ALDH18A1: variants seen among roughly 807,000 people sequenced by gnomAD.
ALDH18A1 encodes the protein aldehyde dehydrogenase 18 family member A1, also known as delta-1-pyrroline-5-carboxylate synthase.
In ALDH18A1, 44 loss-of-function variants were observed where a neutral mutation model predicts 88.8. That is an observed-to-expected ratio of 0.50 (90% CI 0.39 to 0.64). ALDH18A1 has a LOEUF of 0.64. Among genes scored for constraint, ALDH18A1 ranks in the 30% least tolerant of loss-of-function variants. The probability of loss-of-function intolerance (pLI) is 0.00; values close to 1 mark genes in which losing one functional copy is unlikely to be tolerated. For synonymous variants in ALDH18A1, 331 were observed against 372.1 expected, an observed-to-expected ratio of 0.89 and a Z score of 1.27; for missense variants, 782 against 1,009.5, an observed-to-expected ratio of 0.77 and a Z score of 3.05.
At chr10:95,646,807 A>T (rs928358797) in intron 2 of ALDH18A1, among the ~76,000 whole-genome samples, 3 of 152,122 alleles carry the variant, frequency 2.0e-5, no homozygotes, top group Middle Eastern at 3.2e-3. Flanking sequence ...GTGTGTACAG[A>T]TGTGGCATGG....
At chr10:95,629,260 G>C (rs1166926642) in intron 7 of ALDH18A1, among the ~76,000 whole-genome samples, 1 of 152,176 alleles carries the variant, frequency 6.6e-6, no homozygotes, top group African/African-American at 2.4e-5. Flanking sequence ...ACCTAAAGTG[G>C]ACACAGATGG....
chr10:95,627,674 T>C (rs2097862387), intron 8 of ALDH18A1, 88 bp from the exon 9 acceptor site: 12 of 1,501,648 alleles, frequency 8.0e-6, no homozygotes, highest in Non-Finnish European at 9.3e-6. Flanking sequence ...AAATACAAGT[T>C]GATATTGAAC....
chr10:95,609,251 T>G (rs189017856), intron 17 of ALDH18A1, among the ~76,000 whole-genome samples: 1 of 152,292 alleles, frequency 6.6e-6, no homozygotes, highest in East Asian at 1.9e-4. Context: ...GCTGGAAATT[T>G]TATACCTAAT....
chr10:95,610,134 T>A, intron 17 of ALDH18A1, 63 bp downstream of exon 17: 2 of 1,507,522 alleles, frequency 1.3e-6, no homozygotes. Context: ...CACCTCAACA[T>A]ACCCCTAGAC....
chr10:95,647,781 C>T (rs541121821), intron 2 of ALDH18A1, among the ~76,000 whole-genome samples: 10 of 152,346 alleles, frequency 6.6e-5, no homozygotes, highest in Non-Finnish European at 1.0e-4. Flanking sequence ...AATCACATTT[C>T]GACACAGTTG....
intron 11 of ALDH18A1, among the ~76,000 whole-genome samples, chr10:95,621,594 G>A (rs747053908): frequency 2.0e-5 from 3 of 152,008 alleles, no homozygotes; most frequent in South Asian, 4.1e-4. Flanking sequence ...TTACAAGTGC[G>A]AGCCACCGTG....
Position 95,643,194 on chromosome 10 carries a change from G to A in ALDH18A1, c.101C>T (p.Pro34Leu), listed in dbSNP as rs773278823. The A allele has an allele frequency of 6.2e-7, 1 of 1,614,056 alleles. No individual in the cohort carries two copies. The highest frequency in any genetic ancestry group is 1.1e-5 in the South Asian group (1 of 91,088). ...AGAACGAACATGTCTGATGACTGAAGGCTGGATACAATCTGTAGCCATCAA... is the reference window on the plus strand; with the variant it reads ...AGAACGAACATGTCTGATGACTGAAAGCTGGATACAATCTGTAGCCATCAA... ...TTVFRSHCIQ[P>L]SVIRHVRSWS... The change falls in exon 3 of 18, where the codon CCT (proline) becomes CTT (leucine). Residue 34 changes from proline (P) to leucine (L), a missense_variant. Coordinates refer to ENST00000371224, the MANE Select transcript of ALDH18A1 (RefSeq NM_002860.4).
chr10:95,618,033 C>T (rs1171290665), intron 12 of ALDH18A1, among the ~76,000 whole-genome samples: 1 of 152,110 alleles, frequency 6.6e-6, no homozygotes, highest in African/African-American at 2.4e-5. Flanking sequence ...CAGAGCATTC[C>T]AGATTCCACA....
intron 12 of ALDH18A1, among the ~76,000 whole-genome samples, chr10:95,617,755 ATGAGGTATCAGCTCCTTG>A (rs1225403071): frequency 1.1e-4 from 17 of 152,210 alleles, no homozygotes; most frequent in African/African-American, 3.9e-4. Flanking sequence ...TAGTTAGCTA[ATGAGGTATCAGCTCCTTG>A]TGAGGTATCA....
intron 5 of ALDH18A1, among the ~76,000 whole-genome samples, chr10:95,636,862 C>T (rs2097881610): frequency 6.6e-6 from 1 of 152,232 alleles, no homozygotes; most frequent in African/African-American, 2.4e-5. Context: ...AAATGCTTTT[C>T]ATATATTTTC....
intron 16 of ALDH18A1, among the ~76,000 whole-genome samples, chr10:95,610,892 T>C (rs1433558554): frequency 6.6e-6 from 1 of 152,168 alleles, no homozygotes. Context: ...GCATACATAT[T>C]TGTGGAATAA....
rs1444525342 is a variant in ALDH18A1, at chr10:95,656,638, G to A, written c.-70C>T. ...GCCTTCGCCCCCTGGCACTACCGCG[G>A]GTCCGCACTCCACGCCGGGCTGATT... On this transcript the variant is annotated 5_prime_UTR_variant, in exon 1 of 18. Coordinates refer to ENST00000371224, the MANE Select transcript of ALDH18A1 (RefSeq NM_002860.4). 2 of 152,686 alleles carry A rather than the reference G, an allele frequency of 1.3e-5. No individual in the cohort carries two copies. Among genetic ancestry groups the A allele is most frequent in the African/African-American group, 2.4e-5 (1 of 41,374 alleles). 9.5% of individuals were successfully genotyped at this position (152,686 alleles called of 1,614,324 possible). A position where few individuals can be genotyped will look rare whatever the true frequency, so the allele number is the denominator to read the frequency against.
intron 11 of ALDH18A1, among the ~76,000 whole-genome samples, chr10:95,621,990 T>C (rs2097853392): frequency 6.6e-6 from 1 of 152,230 alleles, no homozygotes; most frequent in Non-Finnish European, 1.5e-5. Flanking sequence ...ACAGCATGTA[T>C]GATATGATCT....
At chr10:95,645,381 A>G (rs2097899517) in intron 2 of ALDH18A1, among the ~76,000 whole-genome samples, 1 of 152,146 alleles carries the variant, frequency 6.6e-6, no homozygotes, top group African/African-American at 2.4e-5. Flanking sequence ...AACCACTATC[A>G]CTTCCCTTTA....
chr10:95,611,159 A>C, intron 16 of ALDH18A1, 97 bp downstream of exon 16: 2 of 1,436,258 alleles, frequency 1.4e-6, no homozygotes, highest in Non-Finnish European at 2.0e-6. Flanking sequence ...AAGCCTACTC[A>C]AATGATGTTT....
At chr10:95,606,990 T>C (rs1170725187) in intron 17 of ALDH18A1, 47 bp from the exon 18 acceptor site, 1 of 1,592,950 alleles carries the variant, frequency 6.3e-7, no homozygotes. Context: ...CAGCCTCTGC[T>C]TCCTGTCCAT....
intron 13 of ALDH18A1, 70 bp from the exon 14 acceptor site, chr10:95,614,231 C>T: frequency 6.7e-7 from 1 of 1,490,402 alleles, no homozygotes; most frequent in Non-Finnish European, 9.3e-7. Flanking sequence ...AGCAGCTTCC[C>T]TTTTACAGAT....
At chr10:95,651,289 G>A (rs551342918) in intron 2 of ALDH18A1, among the ~76,000 whole-genome samples, 9 of 152,214 alleles carry the variant, frequency 5.9e-5, no homozygotes, top group African/African-American at 2.2e-4. Flanking sequence ...CTATCAAAAT[G>A]GCTAAAATAA....
chr10:95,615,057 G>A lies in ALDH18A1; in HGVS notation c.1606-896C>T, dbSNP rs537571344. ...TTCAAGAATAGGCAAAAGGCAGGGC[G>A]TGGTGGCACATTCCCAGCACTTTGG... On this transcript the variant is annotated intron_variant, in intron 13 of 17. Transcript: ENST00000371224. 5.3e-5 allele frequency among the ~76,000 whole-genome samples: 8 copies of A among 152,264 alleles called. No individual in the cohort carries two copies. The East Asian group carries it at 5.8e-4, about 11-fold the overall frequency.
Sources: allele counts gnomAD v4.1 joint callset (sites outside exome capture counted in the v4.1 genomes callset), GRCh38; gene constraint gnomAD v4.1.1; transcripts MANE v1.5; gene names NCBI Gene and HGNC (gene_info 2026-07-23, HGNC 2026-07-21).